The following ENG variants were observed in gnomAD, a reference collection of about 807,000 sequenced individuals.
ENG encodes CD105 antigen.
Under a neutral mutation model 71.0 loss-of-function variants are expected in ENG, and 17 were observed. The ratio of observed to expected loss-of-function variants is 0.24; its 90% CI spans 0.16 to 0.36. ENG has a LOEUF of 0.36. Among genes scored for constraint, ENG ranks in the 10% least tolerant of loss-of-function variants. The pLI is 1.00. For synonymous variants in ENG, 360 were observed against 366.9 expected (o/e 0.98, Z 0.21); for missense variants, 749 against 868.3 (o/e 0.86, Z 1.73).
chr9:127,837,813 T>TCCATCCATCCACATCCATCCATTCAG (rs1830941761), intron 2 of ENG, among the ~76,000 whole-genome samples: 1 of 150,404 alleles, frequency 6.6e-6, no homozygotes, highest in Admixed American at 6.6e-5. Flanking sequence ...CATCCATCCA[T>TCCATCCATCCACATCCATCCATTCAG]CCAACAGATA....
chr9:127,843,357 C>T (rs1831088360), intron 1 of ENG, 112 bp from the exon 2 acceptor site: 15 of 1,360,954 alleles, frequency 1.1e-5, no homozygotes, highest in Non-Finnish European at 1.2e-5. Flanking sequence ...TTTCCTGCAT[C>T]ATCACAGCCA....
At chr9:127,817,070 C>A (rs551082475) in intron 13 of ENG, 79 bp downstream of exon 13, 7 of 1,536,380 alleles carry the variant, frequency 4.6e-6, no homozygotes, top group Non-Finnish European at 5.4e-6. Flanking sequence ...GTGCCCAGGC[C>A]GTTTCTCAGG....
At chr9:127,827,708 C>T (rs1830656621) in intron 3 of ENG, among the ~76,000 whole-genome samples, 1 of 152,034 alleles carries the variant, frequency 6.6e-6, no homozygotes, top group South Asian at 2.1e-4. Flanking sequence ...GGCTGGTCTC[C>T]AACTCCTGGC....
chr9:127,827,038 C>T (rs943426932), intron 3 of ENG: 7 of 301,350 alleles, frequency 2.3e-5, no homozygotes, highest in African/African-American at 6.4e-5. Flanking sequence ...CAGGGGGCAA[C>T]GTCTACCTTG....
chr9:127,824,255 A>T, intron 8 of ENG, 49 bp downstream of exon 8: 1 of 1,613,720 alleles, frequency 6.2e-7, no homozygotes, highest in Non-Finnish European at 8.5e-7. Flanking sequence ...CTAGGGGAGG[A>T]ACCAGATGTC....
Position 127,815,737 on chromosome 9 carries a change from T to G in ENG, c.1922A>C (p.Asn641Thr). The part of the protein sequence containing the change: ...APASSESSST[N>T]HSIGSTQSTP... ...GCTCTGGGTGCTCCCGATGCTGTGG[T>G]TGGTGCTGCTGCTCTCCGAGGAGGC... Residue 641 changes from asparagine (N) to threonine (T), a missense_variant, in exon 15 of 15, where the codon AAC becomes ACC. Coordinates refer to ENST00000373203, the MANE Select transcript of ENG (RefSeq NM_001114753.3). 6.4e-7 allele frequency: 1 copy of G among 1,555,586 alleles called. No homozygotes were observed. The highest frequency in any genetic ancestry group is 8.7e-7 in the Non-Finnish European group (1 of 1,154,916).
rs987415671 is a variant in ENG at position 127,822,553 on chromosome 9, T to A, written c.1134+1751A>T. 7.2e-5 allele frequency: 11 copies of A among 152,230 alleles called. No homozygotes were observed. In the South Asian group the frequency reaches 1.4e-3, roughly 20 times the overall value. 9.4% of individuals were successfully genotyped at this position (152,230 alleles called of 1,614,324 possible). A position where few individuals can be genotyped will look rare whatever the true frequency, so the allele number is the denominator to read the frequency against. ...TTGCATATTTATAATACTACAGAAT[T>A]GGGAACAACCTAAATGTGTAACAAG... On this transcript the variant is annotated intron_variant, in intron 8 of 14. Coordinates refer to ENST00000373203, the MANE Select transcript of ENG (RefSeq NM_001114753.3).
rs1416110793 is a variant in ENG, at chr9:127,842,980, C to A, written c.219+114G>T. 86 of 1,505,396 alleles carry A rather than the reference C, an allele frequency of 5.7e-5. No individual in the cohort carries two copies. The East Asian group carries it at 1.9e-3, about 33-fold the overall frequency. 93.3% of individuals were successfully genotyped at this position (1,505,396 alleles called of 1,614,324 possible). On this transcript the variant is annotated intron_variant, in intron 2 of 14. Transcript: ENST00000373203. The stretch of plus-strand genomic sequence containing the variant: ...CCCACATCACTCTCTTGGCAGGGGG[C>A]CTAACGAGGACTCAGCCACTGCCCC...
In ENG at chr9:127,825,364, G is replaced by T; in HGVS notation, c.690-7C>A. ...CACCGTCACCGTCCGGGGCCTGCGG[G>T]GAGACAGACGCGGATGGAACACTGA... On this transcript the variant is annotated splice_polypyrimidine_tract_variant and splice_region_variant and intron_variant, in intron 5 of 14. Coordinates refer to ENST00000373203, the MANE Select transcript of ENG (RefSeq NM_001114753.3). 6.2e-7 allele frequency: 1 copy of T among 1,609,492 alleles called. No individual in the cohort carries two copies.
rs536686820 is a variant in ENG, at chr9:127,843,434, C to T, written c.68-189G>A. On this transcript the variant is annotated intron_variant, in intron 1 of 14. Coordinates refer to ENST00000373203, the MANE Select transcript of ENG (RefSeq NM_001114753.3). The stretch of plus-strand genomic sequence containing the variant: ...AAAAAACCAAGGCTAGGAGAGGAAA[C>T]GTCTCCTGCCCAAGGTCACAGCGCT... Among the ~76,000 whole-genome samples the T allele has an allele frequency of 5.9e-5, 9 of 151,922 alleles. No individual in the cohort carries two copies. The South Asian group carries it at 1.7e-3, about 28-fold the overall frequency.
chr9:127,824,371 A>G lies in ENG; in HGVS notation c.1067T>C (p.Met356Thr), dbSNP rs138190783. The G allele has an allele frequency of 1.2e-5, 19 of 1,614,032 alleles. No individual in the cohort carries two copies. Among genetic ancestry groups the G allele is most frequent in the South Asian group, 9.9e-5 (9 of 91,088 alleles). ...PKDTCSPELLMSLIQTKCADD... is the reference protein window; with the variant it reads ...PKDTCSPELLTSLIQTKCADD... Reference sequence around the variant, plus strand: ...GGCACACTTTGTCTGGATCAAGGACATGAGCAGCTCCGGGCTACAAGTGTC... The same window carrying G: ...GGCACACTTTGTCTGGATCAAGGACGTGAGCAGCTCCGGGCTACAAGTGTC... The change falls in exon 8 of 15, where the codon ATG becomes ACG. Residue 356 changes from methionine (M) to threonine (T), a missense_variant. By Grantham distance (81) the Met-to-Thr change is moderately conservative. Coordinates refer to ENST00000373203, the MANE Select transcript of ENG (RefSeq NM_001114753.3).
chr9:127,825,506 AAAGGGAAGGGGCCCATAGG>A, intron 5 of ENG, 149 bp from the exon 6 acceptor site: 1 of 1,398,330 alleles, frequency 7.2e-7, no homozygotes, highest in South Asian at 1.2e-5. Context: ...GCTTGTGCCC[AAAGGGAAGGGGCCCATAGG>A]GGGCGTAGCC....
chr9:127,820,840 ATAT>A (rs1830452701), intron 8 of ENG, among the ~76,000 whole-genome samples: 1 of 139,224 alleles, frequency 7.2e-6, no homozygotes, highest in Non-Finnish European at 1.6e-5. Flanking sequence ...AAAAAAAAAA[ATAT>A]ATATATATAT....
intron 8 of ENG, among the ~76,000 whole-genome samples, chr9:127,823,961 G>C (rs1013294250): frequency 2.0e-5 from 3 of 152,170 alleles, no homozygotes; most frequent in African/African-American, 2.4e-5. Context: ...GATTACAGGC[G>C]TGAACCACCA....
intron 5 of ENG, 35 bp downstream of exon 5, chr9:127,825,659 TG>T: frequency 9.0e-7 from 1 of 1,107,360 alleles, no homozygotes; most frequent in South Asian, 1.8e-5. Context: ...TCTCTCGGGG[TG>T]GGGACTAGTG....
chr9:127,837,179 A>C (rs1479339356), intron 2 of ENG, among the ~76,000 whole-genome samples: 7 of 152,160 alleles, frequency 4.6e-5, no homozygotes, highest in Admixed American at 3.9e-4. Context: ...GCATGGGTCC[A>C]GTTAGAGGTG....
In ENG at chr9:127,825,250, T is replaced by A; in HGVS notation, c.797A>T (p.Asn266Ile). The change falls in exon 6 of 15, where the codon AAC becomes ATC. Residue 266 changes from asparagine (N) to isoleucine (I), a missense_variant. Physicochemically the swap from Asn to Ile is moderately radical, Grantham distance 149. Coordinates refer to ENST00000373203, the MANE Select transcript of ENG (RefSeq NM_001114753.3). ...ACTCACCCAGATCTGCATGTTGTGG[T>A]TGGCGTCGATGAGCCAGGACACGTA... ...PPYVSWLIDA[N>I]HNMQIWTTGE... The A allele has an allele frequency of 6.2e-7, 1 of 1,612,688 alleles. No homozygotes were observed. Among genetic ancestry groups the A allele is most frequent in the Non-Finnish European group, 8.5e-7 (1 of 1,179,726 alleles).
At chr9:127,824,722 C>CA (rs945441761) in intron 7 of ENG, 78 bp downstream of exon 7, 1 of 1,414,832 alleles carries the variant, frequency 7.1e-7, no homozygotes, top group African/African-American at 1.5e-5. Flanking sequence ...CAAGCTCACA[C>CA]AGAGGTGCTT....
intron 12 of ENG, chr9:127,817,794 C>G: frequency 2.1e-6 from 1 of 484,984 alleles, no homozygotes; most frequent in Non-Finnish European, 3.8e-6. Context: ...GGTGACCATA[C>G]TACATGGATG....
Sources: allele counts gnomAD v4.1 joint callset (sites outside exome capture counted in the v4.1 genomes callset), GRCh38; gene constraint gnomAD v4.1.1; transcripts MANE v1.5; gene names NCBI Gene and HGNC (gene_info 2026-07-23, HGNC 2026-07-21).